GRM7: variants seen among roughly 807,000 people sequenced by gnomAD.
The protein encoded by GRM7 is glutamate metabotropic receptor 7, also known as metabotropic glutamate receptor 7.
A neutral mutation model predicts 84.5 loss-of-function variants in GRM7; 35 were observed. That is an observed-to-expected ratio of 0.41 (90% confidence interval 0.32 to 0.55). The LOEUF (loss-of-function observed/expected upper bound fraction) is 0.55, where lower values mean the gene tolerates loss of function less well. GRM7 is among the 20% of genes least tolerant of loss of function. The pLI, the probability that GRM7 is intolerant of heterozygous loss-of-function variation, is 0.19. For synonymous variants in GRM7, 487 were observed against 455.1 expected (o/e 1.07, Z -0.89); for missense variants, 1,003 against 1,194.6 (o/e 0.84, Z 2.36).
At chr3:6,966,762 A>T (rs1441703236) in intron 1 of GRM7, among the ~76,000 whole-genome samples, 2 of 152,228 alleles carry the variant, frequency 1.3e-5, no homozygotes, top group East Asian at 3.9e-4. Flanking sequence ...GTAAAACAAA[A>T]GAGTCTCTGT....
chr3:7,114,362 T>G (rs918934951), intron 1 of GRM7, among the ~76,000 whole-genome samples: 2 of 152,164 alleles, frequency 1.3e-5, no homozygotes, highest in Non-Finnish European at 2.9e-5. Context: ...ATAATAATCA[T>G]TATAAAATAC....
chr3:7,492,073 G>C (rs1242109923), intron 7 of GRM7, among the ~76,000 whole-genome samples: 4 of 152,142 alleles, frequency 2.6e-5, no homozygotes, highest in African/African-American at 7.2e-5. Context: ...CATAGTCATG[G>C]TGTATAATTC....
intron 2 of GRM7, among the ~76,000 whole-genome samples, chr3:7,217,582 G>A (rs1696657066): frequency 6.6e-6 from 1 of 151,510 alleles, no homozygotes; most frequent in Non-Finnish European, 1.5e-5. Context: ...GTTTTATTGT[G>A]TTTTCCTCAT....
rs541271132 is a variant in GRM7, at chr3:7,532,129, C to G, written c.1516-46293C>G. 3.9e-5 allele frequency among the ~76,000 whole-genome samples: 6 copies of G among 152,152 alleles called. No individual in the cohort carries two copies. The South Asian group carries it at 1.2e-3, about 32-fold the overall frequency. Reference sequence around the variant, plus strand: ...GTTTTGGTATCAGGATGATACTGGCCTCATAAAATGAGTTAGGGAGGAGTC... The same window carrying G: ...GTTTTGGTATCAGGATGATACTGGCGTCATAAAATGAGTTAGGGAGGAGTC... On this transcript the variant is annotated intron_variant, in intron 7 of 9. Transcript: ENST00000357716.
intron 5 of GRM7, among the ~76,000 whole-genome samples, chr3:7,430,626 A>G (rs1465776484): frequency 6.6e-6 from 1 of 152,222 alleles, no homozygotes; most frequent in Non-Finnish European, 1.5e-5. Flanking sequence ...AGAAATGAAA[A>G]CATATGTCTA....
intron 4 of GRM7, among the ~76,000 whole-genome samples, chr3:7,404,178 C>T (rs2125163529): frequency 6.6e-6 from 1 of 152,232 alleles, no homozygotes; most frequent in South Asian, 2.1e-4. Context: ...TCCTCTATGT[C>T]AGGGATAACT....
chr3:7,066,942 T>C (rs539600587), intron 1 of GRM7, among the ~76,000 whole-genome samples: 26 of 152,002 alleles, frequency 1.7e-4, no homozygotes, highest in Non-Finnish European at 3.2e-4. Context: ...TCTCAATAGA[T>C]GCAGAAAAAG....
intron 1 of GRM7, among the ~76,000 whole-genome samples, chr3:7,101,010 C>T (rs1335185401): frequency 6.6e-6 from 1 of 151,676 alleles, no homozygotes; most frequent in Non-Finnish European, 1.5e-5. Context: ...GTTGATGGAA[C>T]ATTTGTGTGG....
intron 8 of GRM7, among the ~76,000 whole-genome samples, chr3:7,661,650 C>T (rs910707518): frequency 1.3e-5 from 2 of 151,692 alleles, no homozygotes; most frequent in South Asian, 2.1e-4. Context: ...AAAAATTAGC[C>T]GGGCGTCGTG....
intron 1 of GRM7, among the ~76,000 whole-genome samples, chr3:7,087,406 T>C (rs1332909628): frequency 2.1e-5 from 3 of 140,384 alleles, no homozygotes; most frequent in Non-Finnish European, 4.6e-5. Context: ...TTTTTTTTTT[T>C]ACCCCAACCG....
chr3:6,896,155 G>T (rs1352267894), intron 1 of GRM7, among the ~76,000 whole-genome samples: 1 of 152,118 alleles, frequency 6.6e-6, no homozygotes, highest in Non-Finnish European at 1.5e-5. Flanking sequence ...TCCAAAGGAT[G>T]TGAATTGGAG....
At chr3:7,335,023 A>G (rs1034129229) in intron 4 of GRM7, among the ~76,000 whole-genome samples, 1 of 152,116 alleles carries the variant, frequency 6.6e-6, no homozygotes, top group Admixed American at 6.5e-5. Context: ...AAAGTCAACA[A>G]AGAAACAATG....
rs569571908 is a variant in GRM7 at position 6,916,898 on chromosome 3, G to C, written c.519+54991G>C. Among the ~76,000 whole-genome samples, 350 of 152,214 alleles carry C rather than the reference G, an allele frequency of 2.3e-3. 1 individual carries two copies. Among genetic ancestry groups the C allele is most frequent in the African/African-American group, 7.9e-3 (328 of 41,546 alleles). On this transcript the variant is annotated intron_variant, in intron 1 of 9. Coordinates refer to ENST00000357716, the MANE Select transcript of GRM7 (RefSeq NM_000844.4). Reference sequence around the variant, plus strand: ...TTCTAAGAAACTGAAATGGTGGCTGGGTGGGGGCAGAAAATGTTGCAGGTT... The same window carrying C: ...TTCTAAGAAACTGAAATGGTGGCTGCGTGGGGGCAGAAAATGTTGCAGGTT...
intron 8 of GRM7, among the ~76,000 whole-genome samples, chr3:7,581,066 G>A (rs1204501434): frequency 6.6e-6 from 1 of 152,068 alleles, no homozygotes; most frequent in South Asian, 2.1e-4. Context: ...TTATTCTTGG[G>A]GAACATAAAA....
At chr3:7,589,457 A>G (rs1025028213) in intron 8 of GRM7, among the ~76,000 whole-genome samples, 1 of 152,186 alleles carries the variant, frequency 6.6e-6, no homozygotes. Flanking sequence ...CCCAGTTACA[A>G]TGTACTAGGA....
chr3:7,570,585 C>T (rs1233921571), intron 7 of GRM7, among the ~76,000 whole-genome samples: 1 of 152,218 alleles, frequency 6.6e-6, no homozygotes, highest in African/African-American at 2.4e-5. Context: ...CAGCTCCACC[C>T]CTGTGGCTTT....
chr3:7,529,120 CTG>C (rs1700926506), intron 7 of GRM7, among the ~76,000 whole-genome samples: 1 of 152,004 alleles, frequency 6.6e-6, no homozygotes, highest in Non-Finnish European at 1.5e-5. Flanking sequence ...AGTCTGGAAA[CTG>C]AATATTTTTG....
intron 7 of GRM7, among the ~76,000 whole-genome samples, chr3:7,522,877 G>T (rs964746879): frequency 6.7e-6 from 1 of 150,088 alleles, no homozygotes; most frequent in Non-Finnish European, 1.5e-5. Context: ...CTTATGATGG[G>T]ATTGGTACTC....
In GRM7 at chr3:7,294,102, C is replaced by T. The variant is rs568914001; in HGVS notation, c.737-4582C>T. ...TTTTGCTCACCTGCGGGCAATTCCC[C>T]GTAAGAGGGGATGAGCGTCTCAATT... On this transcript the variant is annotated intron_variant, in intron 2 of 9. Transcript: ENST00000357716. Among the ~76,000 whole-genome samples, 7 of 152,272 alleles carry T rather than the reference C, an allele frequency of 4.6e-5. No homozygotes were observed. The South Asian group carries it at 6.2e-4, about 14-fold the overall frequency.
Sources: allele counts gnomAD v4.1 joint callset (sites outside exome capture counted in the v4.1 genomes callset), GRCh38; gene constraint gnomAD v4.1.1; transcripts MANE v1.5; gene names NCBI Gene and HGNC (gene_info 2026-07-23, HGNC 2026-07-21).